Variants in NEURL1 observed in about 807,000 individuals in gnomAD.
NEURL1 encodes neuralized E3 ubiquitin protein ligase 1.
NEURL1 carries 26 observed loss-of-function variants against 41.2 expected under a neutral mutation model. The observed-to-expected ratio is 0.63, with a 90% CI of 0.46 to 0.87. The LOEUF (loss-of-function observed/expected upper bound fraction) is 0.87. NEURL1 is among the 40% of genes least tolerant of loss of function. NEURL1 has a pLI of 0.00. For synonymous variants in NEURL1, 400 were observed against 402.3 expected, an observed-to-expected ratio of 0.99 and a Z score of 0.07; for missense variants, 761 against 871.1, an observed-to-expected ratio of 0.87 and a Z score of 1.59.
intron 1 of NEURL1, among the ~76,000 whole-genome samples, chr10:103,548,554 C>T (rs542753895): frequency 6.6e-6 from 1 of 150,960 alleles, no homozygotes; most frequent in African/African-American, 2.4e-5. Flanking sequence ...AACTCCTGAC[C>T]TCAGGTGATC....
In NEURL1 at chr10:103,570,879, C is replaced by G; in HGVS notation, c.93C>G (p.Ile31Met). 1.2e-6 allele frequency: 2 copies of G among 1,613,010 alleles called. No homozygotes were observed. Among genetic ancestry groups the G allele is most frequent in the Non-Finnish European group, 1.7e-6 (2 of 1,179,524 alleles). ...RGHPQNLKDSIGGPFPVTSHR... is the reference protein window; with the variant it reads ...RGHPQNLKDSMGGPFPVTSHR... ...TGGCCTGTTCCTTTGCAGACTCTAT[C>G]GGGGGCCCCTTCCCCGTCACTTCTC... Residue 31 changes from isoleucine to methionine, a missense_variant, in exon 2 of 6, where the codon ATC becomes ATG. Physicochemically the swap from Ile to Met is conservative, Grantham distance 10. Around this residue, in one of 5 missense-constraint regions of NEURL1, gnomAD observed 94 missense variants for 96.6 expected, o/e 0.97. Coordinates refer to ENST00000369780, the MANE Select transcript of NEURL1 (RefSeq NM_004210.5).
At chr10:103,569,239 CTTTGTT>C (rs551488052) in intron 1 of NEURL1, among the ~76,000 whole-genome samples, 70 of 152,330 alleles carry the variant, frequency 4.6e-4, no homozygotes, top group Middle Eastern at 3.4e-3. Flanking sequence ...TCCTGTATTG[CTTTGTT>C]TTTAACAGGC....
Position 103,584,725 on chromosome 10 carries a change from C to A in NEURL1, c.839C>A (p.Ser280Ter). ...CCCATCCCGCAGAACTCACTCAACT[C>A]GCAGCACAGCCGCGCGCTGCCGGCG... ...GCPIPQNSLN[S>*]QHSRALPAQL... Residue 280 changes from serine (S) to a stop codon, truncating the protein, a stop_gained, in exon 4 of 6, where the codon TCG (serine) becomes TAG (stop). Coordinates refer to ENST00000369780, the MANE Select transcript of NEURL1 (RefSeq NM_004210.5). LOFTEE classifies it high-confidence loss of function. The A allele has an allele frequency of 1.4e-6, 2 of 1,468,250 alleles. No homozygotes were observed. Among genetic ancestry groups the A allele is most frequent in the East Asian group, 3.0e-5 (1 of 33,822 alleles). The allele number at this position is 1,468,250 out of a possible 1,614,324, so 91.0% of individuals were successfully genotyped here. A position where few individuals can be genotyped will look rare whatever the true frequency, so the allele number is the denominator to read the frequency against.
intron 1 of NEURL1, among the ~76,000 whole-genome samples, chr10:103,539,137 G>A (rs2034765120): frequency 6.6e-6 from 1 of 151,974 alleles, no homozygotes; most frequent in Admixed American, 6.6e-5. Context: ...TGTAGAGACA[G>A]GGTTTTGTGA....
Position 103,571,619 on chromosome 10 carries a change from A to G in NEURL1, c.446A>G (p.Gln149Arg). The change falls in exon 3 of 6, where the codon CAG becomes CGG. Residue 149 changes from glutamine to arginine, a missense_variant. Gln to Arg is a conservative substitution (Grantham distance 43). This residue lies in a region of NEURL1 where 65 missense variants were observed against 131.6 expected (regional missense o/e 0.49). Coordinates refer to ENST00000369780, the MANE Select transcript of NEURL1 (RefSeq NM_004210.5). ...PKYACPDLVS[Q>R]SGFWAKALPE... ...TACGCCTGCCCCGACCTGGTGTCCC[A>G]GAGTGGCTTCTGGGCCAAGGCGCTG... 1 of 1,614,108 alleles carries G rather than the reference A, an allele frequency of 6.2e-7. No individual in the cohort carries two copies. Among genetic ancestry groups the G allele is most frequent in the Non-Finnish European group, 8.5e-7 (1 of 1,180,004 alleles).
intron 3 of NEURL1, among the ~76,000 whole-genome samples, chr10:103,584,272 T>C (rs976466738): frequency 3.9e-5 from 6 of 152,342 alleles, no homozygotes; most frequent in East Asian, 3.9e-4. Context: ...GAAGTACACA[T>C]ATGCATATAG....
At chr10:103,581,753 T>A (rs1037868243) in intron 3 of NEURL1, among the ~76,000 whole-genome samples, 1 of 152,060 alleles carries the variant, frequency 6.6e-6, no homozygotes, top group Non-Finnish European at 1.5e-5. Context: ...GAGTACTGAG[T>A]CTGGTTTTGT....
chr10:103,496,272 A>G (rs1470963783), intron 1 of NEURL1, among the ~76,000 whole-genome samples: 1 of 152,240 alleles, frequency 6.6e-6, no homozygotes, highest in Non-Finnish European at 1.5e-5. Context: ...CTCAGTAATC[A>G]TGGTATATAT....
chr10:103,548,283 A>AT (rs2034963501), intron 1 of NEURL1, among the ~76,000 whole-genome samples: 1 of 152,202 alleles, frequency 6.6e-6, no homozygotes, highest in South Asian at 2.1e-4. Context: ...AATGTTTCTT[A>AT]TTAAAGCAGG....
intron 4 of NEURL1, among the ~76,000 whole-genome samples, chr10:103,586,278 A>G (rs1178066910): frequency 6.6e-6 from 1 of 152,090 alleles, no homozygotes; most frequent in African/African-American, 2.4e-5. Flanking sequence ...GTACCTTTGT[A>G]CCCCAGAGTG....
chr10:103,534,129 T>C (rs191289099), intron 1 of NEURL1, among the ~76,000 whole-genome samples: 4 of 152,244 alleles, frequency 2.6e-5, no homozygotes, highest in Admixed American at 2.6e-4. Flanking sequence ...GTTGAATTTG[T>C]CTTTCACATC....
intron 1 of NEURL1, among the ~76,000 whole-genome samples, chr10:103,547,736 G>A (rs1443319268): frequency 6.6e-6 from 1 of 152,136 alleles, no homozygotes; most frequent in Admixed American, 6.5e-5. Context: ...GGTGAAGGGA[G>A]GGATGGATTG....
At chr10:103,589,475 A>G (rs2035991686) in intron 4 of NEURL1, 39 bp from the exon 5 acceptor site, 4 of 1,548,190 alleles carry the variant, frequency 2.6e-6, no homozygotes, top group Non-Finnish European at 3.5e-6. Context: ...TGGCCTGGGC[A>G]GGCAGCTAGT....
chr10:103,501,647 T>TATTATG (rs1564802288), intron 1 of NEURL1, among the ~76,000 whole-genome samples: 1 of 150,168 alleles, frequency 6.7e-6, no homozygotes, highest in African/African-American at 2.4e-5. Context: ...TTATTATTAT[T>TATTATG]TTGAGACGGA....
At chr10:103,562,825 G>A (rs1480078597) in intron 1 of NEURL1, among the ~76,000 whole-genome samples, 1 of 152,210 alleles carries the variant, frequency 6.6e-6, no homozygotes, top group African/African-American at 2.4e-5. Flanking sequence ...GGAAGGAAAT[G>A]TTCCCAGCAC....
intron 1 of NEURL1, among the ~76,000 whole-genome samples, chr10:103,499,173 A>G (rs952774646): frequency 1.3e-5 from 2 of 152,184 alleles, no homozygotes; most frequent in Non-Finnish European, 2.9e-5. Context: ...GTGTGACGCC[A>G]GCGAGACACC....
At chr10:103,554,820 T>A (rs150502397) in intron 1 of NEURL1, among the ~76,000 whole-genome samples, 1 of 152,238 alleles carries the variant, frequency 6.6e-6, no homozygotes, top group Non-Finnish European at 1.5e-5. Flanking sequence ...GCAGGGACGA[T>A]GTCTGTTTTG....
intron 1 of NEURL1, among the ~76,000 whole-genome samples, chr10:103,551,754 A>G (rs2133867993): frequency 6.6e-6 from 1 of 152,300 alleles, no homozygotes; most frequent in Non-Finnish European, 1.5e-5. Context: ...CAGGACATTG[A>G]TTGCCACATC....
chr10:103,584,327 C>A (rs1363512984), intron 3 of NEURL1, among the ~76,000 whole-genome samples: 1 of 152,220 alleles, frequency 6.6e-6, no homozygotes, highest in Non-Finnish European at 1.5e-5. Flanking sequence ...GTTTCAGTTT[C>A]GGTGCTTCCC....
Sources: gnomAD v4.1 joint callset for allele counts (sites outside exome capture counted in the v4.1 genomes callset) on GRCh38, gnomAD v4.1.1 for gene constraint, gnomAD v4.1.1 regional missense constraint, MANE v1.5 for transcripts, NCBI Gene and HGNC (gene_info 2026-07-23, HGNC 2026-07-21) for gene names.